Variants in BICRA observed in about 807,000 individuals in gnomAD.
BICRA encodes the protein BRD4-interacting chromatin-remodeling complex-associated protein.
A neutral mutation model predicts 96.9 loss-of-function variants in BICRA; 31 were observed. The ratio of observed to expected loss-of-function variants is 0.32; its 90% CI spans 0.24 to 0.43. The LOEUF is 0.43. Ranked by LOEUF, BICRA falls within the 20% of genes least tolerant of loss-of-function variation. BICRA has a pLI of 1.00. For synonymous variants in BICRA, 1,350 were observed against 1,071.8 expected (o/e 1.26, Z -5.07); for missense variants, 2,283 against 2,190.3 (o/e 1.04, Z -0.84).
In BICRA at chr19:47,680,486, C is replaced by A. The variant is rs1316276634; in HGVS notation, c.1316C>A (p.Pro439His). 30 of 1,541,892 alleles carry A rather than the reference C, an allele frequency of 1.9e-5. No homozygotes were observed. Among genetic ancestry groups the A allele is most frequent in the Non-Finnish European group, 2.4e-5 (28 of 1,145,320 alleles). ...ACCACCGGAGCGGCCCCGCCGCAGC[C>A]CCCCGGGGCCCTGAGCAAACCCATG... ...ATTTGAAPPQ[P>H]PGALSKPMSV... is the part of the protein sequence containing the mutation. Residue 439 changes from proline to histidine, a missense_variant, in exon 6 of 15, where the codon CCC becomes CAC. By Grantham distance (77) the Pro-to-His change is moderately conservative. Coordinates refer to ENST00000594866, the MANE Select transcript of BICRA (RefSeq NM_001394372.1).
rs138448081 is a variant in BICRA, at chr19:47,682,998, C to T, written c.2283+846C>T. ...CATTCTTCATTCTCTTGTGTGACTGCGTAGTATTCCACTGTGTGGGTGTGC... is the reference window on the plus strand; with the variant it reads ...CATTCTTCATTCTCTTGTGTGACTGTGTAGTATTCCACTGTGTGGGTGTGC... On this transcript the variant is annotated intron_variant, in intron 7 of 14. Transcript: ENST00000594866. Among the ~76,000 whole-genome samples, 264 of 152,194 alleles carry T rather than the reference C, an allele frequency of 1.7e-3. 5 individuals are homozygous for T. Among genetic ancestry groups the T allele is most frequent in the Admixed American group, 0.013 (195 of 15,276 alleles).
intron 1 of BICRA, among the ~76,000 whole-genome samples, chr19:47,647,794 G>A (rs969337739): frequency 1.3e-4 from 20 of 152,126 alleles, no homozygotes; most frequent in African/African-American, 2.9e-4. Context: ...CGTTAGTGAA[G>A]ACCCTGCTAT....
At chr19:47,620,424 T>C (rs1972047388) in intron 1 of BICRA, among the ~76,000 whole-genome samples, 1 of 151,838 alleles carries the variant, frequency 6.6e-6, no homozygotes, top group Admixed American at 6.6e-5. Flanking sequence ...CCCAGCACTT[T>C]GGGAGGTCAG....
At chr19:47,697,730 A>G (rs1973369618) in intron 11 of BICRA, among the ~76,000 whole-genome samples, 1 of 151,944 alleles carries the variant, frequency 6.6e-6, no homozygotes, top group Non-Finnish European at 1.5e-5. Context: ...CACCCATCTC[A>G]GCCTCCCAAA....
At chr19:47,671,553 A>T (rs915441825) in intron 2 of BICRA, among the ~76,000 whole-genome samples, 1 of 151,952 alleles carries the variant, frequency 6.6e-6, no homozygotes, top group Admixed American at 6.6e-5. Context: ...TAATGAAGGG[A>T]TGAGTGGCTG....
intron 7 of BICRA, among the ~76,000 whole-genome samples, chr19:47,683,270 TC>T (rs1380466364): frequency 6.6e-6 from 1 of 152,194 alleles, no homozygotes. Context: ...GTGCCTTTTT[TC>T]CCCCGCCCCC....
intron 7 of BICRA, among the ~76,000 whole-genome samples, chr19:47,686,075 C>T (rs370848978): frequency 2.0e-5 from 3 of 150,266 alleles, no homozygotes; most frequent in East Asian, 4.0e-4. Flanking sequence ...GGACTACAGG[C>T]GCACGCCACC....
At chr19:47,672,745 C>G (rs906430432) in intron 2 of BICRA, among the ~76,000 whole-genome samples, 13 of 152,076 alleles carry the variant, frequency 8.5e-5, no homozygotes, top group African/African-American at 3.1e-4. Context: ...ATGGGACTAA[C>G]GATCCCTTCC....
chr19:47,694,746 G>A lies in BICRA; in HGVS notation c.2895+20G>A. ...CACCAGGTAACGGGAGGCAGGGACT[G>A]CCCGCCCCATCAGCCCCATCCCATC... On this transcript the variant is annotated intron_variant, in intron 8 of 14. Coordinates refer to ENST00000594866, the MANE Select transcript of BICRA (RefSeq NM_001394372.1). 3.1e-6 allele frequency: 4 copies of A among 1,289,598 alleles called. No individual in the cohort carries two copies. Among genetic ancestry groups the A allele is most frequent in the Non-Finnish European group, 4.4e-6 (4 of 914,554 alleles). The allele number at this position is 1,289,598 out of a possible 1,614,324, so 79.9% of individuals were successfully genotyped here. A position where few individuals can be genotyped will look rare whatever the true frequency, so the allele number is the denominator to read the frequency against.
intron 1 of BICRA, among the ~76,000 whole-genome samples, chr19:47,655,915 C>T (rs191721643): frequency 1.3e-5 from 2 of 150,760 alleles, no homozygotes; most frequent in Admixed American, 6.6e-5. Context: ...GCTGAAGTGC[C>T]GTCTAATGTT....
In BICRA at chr19:47,694,371, C is replaced by A; in HGVS notation, c.2540C>A (p.Ala847Asp). ...AACCAGCTAGGCGTTCCCCCGCCTGCCAGCAACCCGGCCCCTACTGCCCCA... is the reference window on the plus strand; with the variant it reads ...AACCAGCTAGGCGTTCCCCCGCCTGACAGCAACCCGGCCCCTACTGCCCCA... ...IQNQLGVPPP[A>D]SNPAPTAPGP... The change falls in exon 8 of 15, where the codon GCC becomes GAC. Residue 847 changes from alanine to aspartate, a missense_variant. Ala to Asp is a moderately radical substitution (Grantham distance 126). Coordinates refer to ENST00000594866, the MANE Select transcript of BICRA (RefSeq NM_001394372.1). The A allele has an allele frequency of 2.3e-6, 3 of 1,299,196 alleles. No homozygotes were observed. The highest frequency in any genetic ancestry group is 1.3e-5 in the South Asian group (1 of 79,480). 80.5% of individuals were successfully genotyped at this position (1,299,196 alleles called of 1,614,324 possible).
In BICRA at chr19:47,681,017, C is replaced by T. The variant is rs1240282654; in HGVS notation, c.1847C>T (p.Ala616Val). 4.8e-6 allele frequency: 7 copies of T among 1,449,860 alleles called. No individual in the cohort carries two copies. The highest frequency in any genetic ancestry group is 3.0e-5 in the East Asian group (1 of 33,762). The allele number at this position is 1,449,860 out of a possible 1,614,324, so 89.8% of individuals were successfully genotyped here. The change falls in exon 6 of 15, where the codon GCG becomes GTG. Residue 616 changes from alanine to valine, a missense_variant. Transcript: ENST00000594866. ...ATPAAATGEA[A>V]PVLTVQPAPQ... is the part of the protein sequence containing the mutation. ...CCTGCCGCTGCCACCGGGGAGGCCG[C>T]GCCTGTCCTCACGGTGCAGCCTGCC...
intron 11 of BICRA, among the ~76,000 whole-genome samples, chr19:47,697,206 C>T (rs1481424301): frequency 3.3e-5 from 5 of 151,982 alleles, no homozygotes; most frequent in African/African-American, 9.7e-5. Flanking sequence ...GGAGTTTCAC[C>T]ATGTTGGCCT....
intron 1 of BICRA, among the ~76,000 whole-genome samples, chr19:47,657,726 T>C (rs1048629782): frequency 1.3e-5 from 2 of 152,200 alleles, no homozygotes; most frequent in Admixed American, 6.5e-5. Context: ...GGTGCTTTTG[T>C]GGACATACTT....
At chr19:47,671,161 A>G (rs1233731148) in intron 2 of BICRA, among the ~76,000 whole-genome samples, 2 of 152,226 alleles carry the variant, frequency 1.3e-5, no homozygotes, top group African/African-American at 4.8e-5. Context: ...TTGATTCAGC[A>G]AATATGCCCC....
intron 14 of BICRA, chr19:47,700,938 GTTTT>G (rs1181988010): frequency 2.5e-5 from 6 of 241,378 alleles, no homozygotes; most frequent in African/African-American, 4.8e-5. Flanking sequence ...TTTATTTATT[GTTTT>G]TTTGTTTGTT....
In BICRA at chr19:47,695,089, G is replaced by C. The variant is rs930187241; in HGVS notation, c.3076+9G>C. On this transcript the variant is annotated intron_variant, in intron 9 of 14. Transcript: ENST00000594866. ...ACCCATGGCCGCCACAGGTAGGAGA[G>C]AGGTCGCCTATGTGCCCAGGGAGAC... 1 of 1,487,094 alleles carries C rather than the reference G, an allele frequency of 6.7e-7. No homozygotes were observed. Among genetic ancestry groups the C allele is most frequent in the African/African-American group, 1.4e-5 (1 of 70,186 alleles). 92.1% of individuals were successfully genotyped at this position (1,487,094 alleles called of 1,614,324 possible). A position where few individuals can be genotyped will look rare whatever the true frequency, so the allele number is the denominator to read the frequency against.
intron 1 of BICRA, among the ~76,000 whole-genome samples, chr19:47,655,827 G>A (rs1652961182): frequency 6.6e-6 from 1 of 151,570 alleles, no homozygotes; most frequent in Non-Finnish European, 1.5e-5. Context: ...CTGCACTCCA[G>A]TCTGGGTGAC....
At position 47,702,172 on chromosome 19, in the gene BICRA, C is replaced by T. The variant is rs1013133820; in HGVS notation, c.4440C>T (p.Pro1480=). 17 of 1,577,826 alleles carry T rather than the reference C, an allele frequency of 1.1e-5. No individual in the cohort carries two copies. Among genetic ancestry groups the T allele is most frequent in the Non-Finnish European group, 1.5e-5 (17 of 1,169,142 alleles). The change falls in exon 15 of 15, where the codon CCC becomes CCT. Residue 1480 remains proline (P), a synonymous_variant. Transcript: ENST00000594866. ...CCAAGCGGCGCAAGTCCGAGTCGCC[C>T]GACGTGGACCAGGCCAGCTTCTCCA... ...PPAKRRKSES[P]DVDQASFSSD...
Sources: allele counts gnomAD v4.1 joint callset (sites outside exome capture counted in the v4.1 genomes callset), GRCh38; gene constraint gnomAD v4.1.1; transcripts MANE v1.5; gene names NCBI Gene and HGNC (gene_info 2026-07-23, HGNC 2026-07-21).